DSCAM: variants seen among roughly 807,000 people sequenced by gnomAD.
The protein encoded by DSCAM is cell adhesion molecule DSCAM.
A neutral mutation model predicts 217.7 loss-of-function variants in DSCAM; 47 were observed. The ratio of observed to expected loss-of-function variants is 0.22; its 90% CI spans 0.17 to 0.28. DSCAM has a LOEUF of 0.28. DSCAM is among the 10% of genes least tolerant of loss of function. The pLI is 1.00. For synonymous variants in DSCAM, 1,056 were observed against 1,015.3 expected (o/e 1.04, Z -0.76); for missense variants, 2,080 against 2,618.3 (o/e 0.79, Z 4.49).
At chr21:40,462,655 T>C (rs959892660) in intron 3 of DSCAM, among the ~76,000 whole-genome samples, 2 of 152,178 alleles carry the variant, frequency 1.3e-5, no homozygotes, top group Non-Finnish European at 2.9e-5. Flanking sequence ...TTCTCAATCT[T>C]GATACATTGA....
At chr21:40,515,126 T>C (rs2076289762) in intron 3 of DSCAM, among the ~76,000 whole-genome samples, 1 of 152,188 alleles carries the variant, frequency 6.6e-6, no homozygotes, top group Admixed American at 6.5e-5. Flanking sequence ...ACTAAAGAAG[T>C]ATACATTTAC....
intron 3 of DSCAM, among the ~76,000 whole-genome samples, chr21:40,529,864 C>A (rs2076429561): frequency 6.6e-6 from 1 of 151,990 alleles, no homozygotes; most frequent in Admixed American, 6.6e-5. Context: ...AACTAAGAAC[C>A]TTTATTTACT....
chr21:40,536,562 T>C lies in DSCAM; in HGVS notation c.508+156248A>G, dbSNP rs546442038. ...GACTACAGGCGCCCACCACCACGCCTGGCTAATTTTTATTTTTTTATTTTT... is the reference window on the plus strand; with the variant it reads ...GACTACAGGCGCCCACCACCACGCCCGGCTAATTTTTATTTTTTTATTTTT... On this transcript the variant is annotated intron_variant, in intron 3 of 32. Transcript: ENST00000400454. Among the ~76,000 whole-genome samples, 184 of 152,144 alleles carry C rather than the reference T, an allele frequency of 1.2e-3. 2 individuals are homozygous for C. The highest frequency in any genetic ancestry group is 6.8e-3 in the Middle Eastern group (2 of 294).
intron 3 of DSCAM, among the ~76,000 whole-genome samples, chr21:40,645,056 G>A (rs112065574): frequency 0.018 from 2,686 of 152,204 alleles, 96 homozygotes; most frequent in African/African-American, 0.062. Flanking sequence ...TACACATACC[G>A]GGGGCTGCCA....
At chr21:40,296,032 A>G in intron 10 of DSCAM, 23 bp downstream of exon 10, 1 of 1,608,360 alleles carries the variant, frequency 6.2e-7, no homozygotes. Flanking sequence ...GACAGGTAAC[A>G]AGTAGATCAA....
At chr21:40,402,538 C>T (rs144765496) in intron 3 of DSCAM, among the ~76,000 whole-genome samples, 3 of 151,942 alleles carry the variant, frequency 2.0e-5, no homozygotes, top group Non-Finnish European at 4.4e-5. Flanking sequence ...ATTTTTTCCA[C>T]GGGGAGTAAA....
At chr21:40,803,375 A>G (rs1269140855) in intron 1 of DSCAM, among the ~76,000 whole-genome samples, 2 of 152,274 alleles carry the variant, frequency 1.3e-5, no homozygotes, top group East Asian at 1.9e-4. Flanking sequence ...ATTACCCACC[A>G]CAAGTCTGAG....
At chr21:40,136,037 G>C (rs941643427) in intron 18 of DSCAM, among the ~76,000 whole-genome samples, 1 of 152,202 alleles carries the variant, frequency 6.6e-6, no homozygotes, top group Non-Finnish European at 1.5e-5. Context: ...TGCTGGGGAG[G>C]GAGCAGGGCG....
chr21:40,713,397 G>A (rs182893598), intron 1 of DSCAM, among the ~76,000 whole-genome samples: 4 of 152,298 alleles, frequency 2.6e-5, no homozygotes, highest in Non-Finnish European at 4.4e-5. Context: ...ACTTGCTCTC[G>A]TGTGCCTATA....
intron 3 of DSCAM, among the ~76,000 whole-genome samples, chr21:40,588,158 C>A (rs983097602): frequency 3.9e-5 from 6 of 152,102 alleles, no homozygotes; most frequent in African/African-American, 1.4e-4. Context: ...TTGGCGGGCC[C>A]CTCAGCTGCT....
chr21:40,610,475 G>A (rs1601786648), intron 3 of DSCAM, among the ~76,000 whole-genome samples: 1 of 152,210 alleles, frequency 6.6e-6, no homozygotes, highest in African/African-American at 2.4e-5. Flanking sequence ...CATCAGAGTA[G>A]AAGCGGCTTC....
chr21:40,747,081 T>G (rs933702684), intron 1 of DSCAM, among the ~76,000 whole-genome samples: 4 of 151,724 alleles, frequency 2.6e-5, no homozygotes, highest in Admixed American at 1.3e-4. Context: ...AAGAGGGAAT[T>G]TTACTGTGAT....
chr21:40,780,409 G>GTATATATATATATATA (rs2091528831), intron 1 of DSCAM, among the ~76,000 whole-genome samples: 1 of 76,614 alleles, frequency 1.3e-5, no homozygotes, highest in Non-Finnish European at 2.9e-5. Flanking sequence ...GTGTGTGTGT[G>GTATATATATATATATA]TGTGTGTGTG....
At chr21:40,594,066 C>T (rs925555885) in intron 3 of DSCAM, among the ~76,000 whole-genome samples, 31 of 152,060 alleles carry the variant, frequency 2.0e-4, no homozygotes, top group African/African-American at 7.5e-4. Context: ...CTTACAAGCC[C>T]CTTTTCAGTT....
intron 3 of DSCAM, among the ~76,000 whole-genome samples, chr21:40,687,635 C>A (rs1403524929): frequency 1.3e-5 from 2 of 152,192 alleles, no homozygotes; most frequent in Non-Finnish European, 2.9e-5. Context: ...GCAGCCTTGT[C>A]TAATTTGGTT....
intron 3 of DSCAM, among the ~76,000 whole-genome samples, chr21:40,502,553 A>G (rs1012476415): frequency 6.6e-6 from 1 of 152,138 alleles, no homozygotes; most frequent in African/African-American, 2.4e-5. Context: ...TCCAATGTCT[A>G]GAGGCTGCCC....
chr21:40,843,359 AATGC>A (rs1164127508), intron 1 of DSCAM, among the ~76,000 whole-genome samples: 1 of 134,892 alleles, frequency 7.4e-6, no homozygotes, highest in African/African-American at 3.0e-5. Context: ...TGATGTCAGG[AATGC>A]ATGCATGTGT....
chr21:40,292,362 A>C (rs2073903801), intron 10 of DSCAM, among the ~76,000 whole-genome samples: 1 of 152,092 alleles, frequency 6.6e-6, no homozygotes, highest in African/African-American at 2.4e-5. Flanking sequence ...AGGGAGCTGC[A>C]CTTCAGCTCT....
chr21:40,156,172 C>T (rs112676871), intron 16 of DSCAM, among the ~76,000 whole-genome samples: 7,539 of 151,754 alleles, frequency 0.05, 283 homozygotes, highest in African/African-American at 0.096. Context: ...CTGGAATCCA[C>T]AGGGATGAGG....
Sources: gnomAD v4.1 joint callset for allele counts (sites outside exome capture counted in the v4.1 genomes callset) on GRCh38, gnomAD v4.1.1 for gene constraint, MANE v1.5 for transcripts, NCBI Gene and HGNC (gene_info 2026-07-23, HGNC 2026-07-21) for gene names.